The following RMDN2 variants were observed in gnomAD, a reference collection of about 807,000 sequenced individuals.
RMDN2 encodes regulator of microtubule dynamics protein 2.
A neutral mutation model predicts 52.8 loss-of-function variants in RMDN2; 61 were observed. The ratio of observed to expected loss-of-function variants is 1.16; its 90% CI spans 0.94 to 1.43. RMDN2 has a LOEUF of 1.43. Among genes scored for constraint, RMDN2 ranks in the 40% most tolerant of loss-of-function variants. The probability of loss-of-function intolerance (pLI) is 0.00; values close to 1 mark genes in which losing one functional copy is unlikely to be tolerated. For synonymous variants in RMDN2, 180 were observed against 153.1 expected (o/e 1.18, Z -1.30); for missense variants, 592 against 475.3 (o/e 1.25, Z -2.28).
At chr2:37,941,613 A>G (rs1056720818) in intron 2 of RMDN2, among the ~76,000 whole-genome samples, 1 of 152,168 alleles carries the variant, frequency 6.6e-6, no homozygotes, top group Non-Finnish European at 1.5e-5. Context: ...GAATCTAGAG[A>G]GGCAGTCTGG....
intron 10 of RMDN2, among the ~76,000 whole-genome samples, chr2:38,031,062 G>C (rs1345778260): frequency 1.3e-5 from 2 of 152,026 alleles, no homozygotes; most frequent in Non-Finnish European, 2.9e-5. Context: ...GTCTCCCATA[G>C]GGAGGGAAAA....
chr2:38,055,189 C>T (rs17021902), intron 10 of RMDN2, among the ~76,000 whole-genome samples: 2,987 of 151,902 alleles, frequency 0.02, 105 homozygotes, highest in African/African-American at 0.068. Flanking sequence ...CTTGATGATC[C>T]GCCTAGTTTC....
intron 10 of RMDN2, among the ~76,000 whole-genome samples, chr2:38,041,427 G>T (rs201809278): frequency 1.5e-4 from 18 of 120,068 alleles, no homozygotes; most frequent in East Asian, 1.1e-3. Flanking sequence ...TTTTTTATTG[G>T]TTTTTTTTTT....
At chr2:38,024,061 T>A (rs1253768248) in intron 10 of RMDN2, among the ~76,000 whole-genome samples, 2 of 152,182 alleles carry the variant, frequency 1.3e-5, no homozygotes, top group Admixed American at 6.5e-5. Context: ...TTGTCTGACT[T>A]CTTTCCCTCA....
intron 10 of RMDN2, among the ~76,000 whole-genome samples, chr2:38,004,786 T>A (rs968311887): frequency 3.3e-5 from 5 of 152,102 alleles, no homozygotes; most frequent in African/African-American, 4.8e-5. Flanking sequence ...GTTGGTGTGC[T>A]GCACCCATTA....
intron 10 of RMDN2, among the ~76,000 whole-genome samples, chr2:38,056,159 C>T (rs1306620004): frequency 6.6e-6 from 1 of 152,172 alleles, no homozygotes; most frequent in Admixed American, 6.5e-5. Flanking sequence ...ACCCGGGATC[C>T]AGTGGGGAGC....
At chr2:38,022,370 A>G (rs1291889760), downstream of RMDN2, among the ~76,000 whole-genome samples, 2 of 152,322 alleles carry the variant, frequency 1.3e-5, no homozygotes, top group African/African-American at 2.4e-5. Flanking sequence ...CTCACCACTC[A>G]TGGTGCTTGA....
Position 37,977,896 on chromosome 2 carries a change from G to A in RMDN2, c.730+2582G>A, listed in dbSNP as rs567225069. ...GGACGATGGGCGGCCAGGCAGAGAC[G>A]CTCCTCACTTCCTAGATGGGGTGGC... On this transcript the variant is annotated intron_variant, in intron 4 of 10. Transcript: ENST00000354545. Among the ~76,000 whole-genome samples the A allele has an allele frequency of 1.6e-3, 236 of 152,142 alleles. 1 individual carries two copies. The highest frequency in any genetic ancestry group is 5.5e-3 in the African/African-American group (228 of 41,516).
chr2:38,052,170 C>T (rs1681642453), intron 10 of RMDN2, among the ~76,000 whole-genome samples: 1 of 152,116 alleles, frequency 6.6e-6, no homozygotes, highest in Non-Finnish European at 1.5e-5. Context: ...CTACATCCTC[C>T]CCAGCATCTG....
intron 10 of RMDN2, among the ~76,000 whole-genome samples, chr2:38,058,718 T>G (rs1681933746): frequency 6.6e-6 from 1 of 152,226 alleles, no homozygotes; most frequent in Admixed American, 6.5e-5. Context: ...ATGGGCAGTT[T>G]TCTGTTTCAG....
chr2:37,983,650 G>A (rs1673617290), intron 5 of RMDN2, among the ~76,000 whole-genome samples: 1 of 152,174 alleles, frequency 6.6e-6, no homozygotes, highest in Admixed American at 6.5e-5. Flanking sequence ...AATAGTAGAT[G>A]TTTGAGGGGA....
intron 4 of RMDN2, among the ~76,000 whole-genome samples, chr2:37,976,710 A>G (rs2125079618): frequency 6.6e-6 from 1 of 152,340 alleles, no homozygotes; most frequent in South Asian, 2.1e-4. Context: ...GAAGAGATGT[A>G]TTAATTTCAA....
chr2:37,999,216 C>G (rs1347405807), intron 8 of RMDN2, among the ~76,000 whole-genome samples: 1 of 152,112 alleles, frequency 6.6e-6, no homozygotes, highest in East Asian at 1.9e-4. Flanking sequence ...ACCAGACTAC[C>G]TGGTTAAATC....
At chr2:37,980,559 C>G (rs1047070972) in intron 4 of RMDN2, among the ~76,000 whole-genome samples, 8 of 152,286 alleles carry the variant, frequency 5.3e-5, no homozygotes, top group Non-Finnish European at 1.0e-4. Context: ...CTGCCTCGGC[C>G]TCCCAAAGTG....
intron 10 of RMDN2, among the ~76,000 whole-genome samples, chr2:38,011,855 C>T (rs1355103638): frequency 6.6e-6 from 1 of 152,136 alleles, no homozygotes; most frequent in African/African-American, 2.4e-5. Flanking sequence ...AAGGAATGTG[C>T]CCACTTTCCC....
intron 2 of RMDN2, among the ~76,000 whole-genome samples, chr2:37,955,870 T>A (rs916456297): frequency 6.6e-6 from 1 of 152,186 alleles, no homozygotes; most frequent in African/African-American, 2.4e-5. Flanking sequence ...GATTTTTACA[T>A]TGAACTTCCT....
rs138666752 is a variant in RMDN2, at chr2:37,950,617, C to G, written c.452+20888C>G. The G allele has an allele frequency of 5.1e-4, 827 of 1,610,558 alleles. 4 individuals are homozygous for G. In the African/African-American group the frequency reaches 9.1e-3, roughly 18 times the overall value. On this transcript the variant is annotated intron_variant, in intron 2 of 10. Coordinates refer to ENST00000354545, the MANE Select transcript of RMDN2 (RefSeq NM_001170791.3). ...TAAGGTAAGCCTTAGAAAAAAACTT[C>G]AACATGTGCTAAAAGAACATTGAAA...
chr2:37,960,898 C>T (rs192611255), intron 2 of RMDN2, among the ~76,000 whole-genome samples: 124 of 152,306 alleles, frequency 8.1e-4, no homozygotes, highest in African/African-American at 3.0e-3. Context: ...GTTACCAAAT[C>T]CCTCAGCACT....
rs145792379 is a variant in RMDN2, at chr2:37,953,767, A to G, written c.453-20273A>G. Among the ~76,000 whole-genome samples the G allele has an allele frequency of 9.4e-3, 1,432 of 152,106 alleles. 24 individuals carry two copies. Among genetic ancestry groups the G allele is most frequent in the African/African-American group, 0.033 (1,353 of 41,522 alleles). On this transcript the variant is annotated intron_variant, in intron 2 of 10. Transcript: ENST00000354545. The stretch of plus-strand genomic sequence containing the variant: ...TATTTTAATTTTTTGAGGAACTACC[A>G]TATTGTTTTCCATAGTGGCTGCACC...
Sources: gnomAD v4.1 joint callset for allele counts (sites outside exome capture counted in the v4.1 genomes callset) on GRCh38, gnomAD v4.1.1 for gene constraint, MANE v1.5 for transcripts, NCBI Gene and HGNC (gene_info 2026-07-23, HGNC 2026-07-21) for gene names.